PCDH9: variants seen among roughly 807,000 people sequenced by gnomAD.
PCDH9 encodes protocadherin 9.
Under a neutral mutation model 70.6 loss-of-function variants are expected in PCDH9, and 24 were observed. That is an observed-to-expected ratio of 0.34 (90% CI 0.25 to 0.48). The LOEUF (loss-of-function observed/expected upper bound fraction) is 0.48. Among genes scored for constraint, PCDH9 ranks in the 20% least tolerant of loss-of-function variants. PCDH9 has a pLI of 0.99. For synonymous variants in PCDH9, 562 were observed against 558.5 expected (o/e 1.01, Z -0.09); for missense variants, 1,281 against 1,503.6 (o/e 0.85, Z 2.45).
At chr13:66,639,580 C>A (rs1266312898) in intron 3 of PCDH9, among the ~76,000 whole-genome samples, 1 of 152,130 alleles carries the variant, frequency 6.6e-6, no homozygotes, top group East Asian at 1.9e-4. Context: ...ACCCTATACT[C>A]CTTTTGGGTG....
At chr13:66,562,494 T>G (rs138473958) in intron 4 of PCDH9, among the ~76,000 whole-genome samples, 1 of 152,272 alleles carries the variant, frequency 6.6e-6, no homozygotes, top group African/African-American at 2.4e-5. Context: ...CTCACAATCA[T>G]GGCGGAAGGC....
intron 2 of PCDH9, among the ~76,000 whole-genome samples, chr13:66,940,442 T>A: frequency 6.6e-6 from 1 of 152,100 alleles, no homozygotes; most frequent in Admixed American, 6.6e-5. Context: ...AGAGAGCAAT[T>A]TGAGGTGATG....
intron 3 of PCDH9, among the ~76,000 whole-genome samples, chr13:66,818,020 T>C (rs570100796): frequency 1.2e-4 from 19 of 152,306 alleles, no homozygotes; most frequent in African/African-American, 4.6e-4. Flanking sequence ...AATAAGTACA[T>C]ACAAATAAAT....
chr13:66,619,631 A>G (rs73198503), intron 4 of PCDH9, among the ~76,000 whole-genome samples: 3,562 of 152,268 alleles, frequency 0.023, 68 homozygotes, highest in Non-Finnish European at 0.038. Flanking sequence ...AGCCTGCATT[A>G]TATGCTAGCA....
intron 4 of PCDH9, among the ~76,000 whole-genome samples, chr13:66,630,363 C>T (rs2077553904): frequency 6.6e-6 from 1 of 152,090 alleles, no homozygotes; most frequent in African/African-American, 2.4e-5. Flanking sequence ...ATAGAAATTA[C>T]AGTCATTAGA....
chr13:67,008,996 C>T (rs2084404305), intron 2 of PCDH9, among the ~76,000 whole-genome samples: 1 of 151,944 alleles, frequency 6.6e-6, no homozygotes, highest in African/African-American at 2.4e-5. Context: ...AAAATAATTC[C>T]TACTTTTCTA....
At position 66,895,897 on chromosome 13, in the gene PCDH9, ATGAAC is replaced by A. The variant is rs2082170847; in HGVS notation, c.3138+7602_3138+7606del. Among the ~76,000 whole-genome samples the A allele has an allele frequency of 1.3e-5, 2 of 152,166 alleles. 1 individual carries two copies. The highest frequency in any genetic ancestry group is 4.1e-4 in the South Asian group (2 of 4,830). On this transcript the variant is annotated intron_variant, in intron 3 of 4. Coordinates refer to ENST00000377865, the MANE Select transcript of PCDH9 (RefSeq NM_203487.3). ...CCTCTCTTTGTGCATCATTTTCTAC[ATGAAC>A]AGCTGCATCACAGCTGTCAGGCTGA...
chr13:66,882,899 C>G (rs1423375837), intron 3 of PCDH9, among the ~76,000 whole-genome samples: 3 of 152,158 alleles, frequency 2.0e-5, no homozygotes. Flanking sequence ...TCGTGAAGTC[C>G]TCCACATTTC....
chr13:66,805,428 A>C (rs981103222), intron 3 of PCDH9, among the ~76,000 whole-genome samples: 1 of 152,206 alleles, frequency 6.6e-6, no homozygotes, highest in Non-Finnish European at 1.5e-5. Flanking sequence ...TATTTCAATA[A>C]AGATGCAACT....
chr13:66,726,796 T>C (rs1277277005), intron 3 of PCDH9, among the ~76,000 whole-genome samples: 1 of 152,184 alleles, frequency 6.6e-6, no homozygotes, highest in Non-Finnish European at 1.5e-5. Flanking sequence ...TAAACTAACT[T>C]GCATAGATTT....
chr13:66,912,514 GACAC>G (rs34088176), intron 2 of PCDH9, among the ~76,000 whole-genome samples: 3 of 149,822 alleles, frequency 2.0e-5, no homozygotes, highest in East Asian at 2.0e-4. Context: ...CATAAGTGTG[GACAC>G]ACACACACAC....
At chr13:66,737,547 C>CA (rs2079172170) in intron 3 of PCDH9, among the ~76,000 whole-genome samples, 2 of 152,192 alleles carry the variant, frequency 1.3e-5, no homozygotes, top group African/African-American at 4.8e-5. Flanking sequence ...GTGAGCGACG[C>CA]AGAAGACGGG....
chr13:66,444,384 C>T (rs893208961), intron 4 of PCDH9, among the ~76,000 whole-genome samples: 1 of 152,058 alleles, frequency 6.6e-6, no homozygotes. Context: ...TATAACTTTC[C>T]ATGACTAACT....
intron 3 of PCDH9, among the ~76,000 whole-genome samples, chr13:66,750,321 A>G (rs1251620543): frequency 1.3e-5 from 2 of 151,714 alleles, no homozygotes; most frequent in Non-Finnish European, 2.9e-5. Flanking sequence ...CACATATAGA[A>G]AAATAATTTT....
intron 2 of PCDH9, among the ~76,000 whole-genome samples, chr13:67,030,055 A>G (rs1373408041): frequency 6.6e-6 from 1 of 152,148 alleles, no homozygotes; most frequent in Non-Finnish European, 1.5e-5. Context: ...TGTCTCATGC[A>G]TATCCTGCTC....
chr13:66,571,616 T>C (rs565771839), intron 4 of PCDH9, among the ~76,000 whole-genome samples: 1 of 152,182 alleles, frequency 6.6e-6, no homozygotes, highest in Admixed American at 6.5e-5. Context: ...TATCGCTTGA[T>C]AGTTCAACGG....
chr13:66,961,945 G>A (rs945962651), intron 2 of PCDH9, among the ~76,000 whole-genome samples: 21 of 152,198 alleles, frequency 1.4e-4, no homozygotes, highest in African/African-American at 4.6e-4. Flanking sequence ...CAGCTACTTG[G>A]TAGGCTGAGA....
intron 4 of PCDH9, among the ~76,000 whole-genome samples, chr13:66,316,818 G>C (rs1955660863): frequency 6.6e-6 from 1 of 152,092 alleles, no homozygotes; most frequent in Non-Finnish European, 1.5e-5. Flanking sequence ...CACCTCCTGG[G>C]TTCAAGCAAT....
chr13:66,800,729 T>C (rs940959160), intron 3 of PCDH9, among the ~76,000 whole-genome samples: 1 of 152,188 alleles, frequency 6.6e-6, no homozygotes, highest in Non-Finnish European at 1.5e-5. Context: ...CCAGAAATCT[T>C]GGTGAAAATC....
Sources: gnomAD v4.1 joint callset for allele counts (sites outside exome capture counted in the v4.1 genomes callset) on GRCh38, gnomAD v4.1.1 for gene constraint, MANE v1.5 for transcripts, NCBI Gene and HGNC (gene_info 2026-07-23, HGNC 2026-07-21) for gene names.